ZMPSTE24: variants seen among roughly 807,000 people sequenced by gnomAD.
The protein encoded by ZMPSTE24 is zinc metallopeptidase STE24.
A neutral mutation model predicts 56.7 loss-of-function variants in ZMPSTE24; 48 were observed. The observed-to-expected ratio is 0.85, with a 90% confidence interval of 0.67 to 1.08. ZMPSTE24 has a LOEUF of 1.08. ZMPSTE24 is among the 50% of genes least tolerant of loss of function. The probability of loss-of-function intolerance (pLI) is 0.00; values close to 1 mark genes in which losing one functional copy is unlikely to be tolerated. For missense variants in ZMPSTE24, 503 were observed against 548.7 expected, an observed-to-expected ratio of 0.92 and a Z score of 0.83; for synonymous variants, 172 against 195.2, an observed-to-expected ratio of 0.88 and a Z score of 0.99.
chr1:40,262,690 A>T, intron 2 of ZMPSTE24: 2 of 310,150 alleles, frequency 6.4e-6, no homozygotes, highest in Non-Finnish European at 1.0e-5. Context: ...CCCAAAAGCT[A>T]GTTGCTTCCA....
chr1:40,278,679 G>A (rs866270610), intron 6 of ZMPSTE24, among the ~76,000 whole-genome samples: 2 of 149,040 alleles, frequency 1.3e-5, no homozygotes, highest in Admixed American at 6.7e-5. Context: ...AATTAAGAAA[G>A]TTTTCTAAAT....
At chr1:40,277,874 C>A (rs1643686100) in intron 6 of ZMPSTE24, among the ~76,000 whole-genome samples, 1 of 142,956 alleles carries the variant, frequency 7.0e-6, no homozygotes, top group Non-Finnish European at 1.5e-5. Flanking sequence ...GAGGTTGAGG[C>A]AGGAGAATCG....
intron 9 of ZMPSTE24, 51 bp downstream of exon 9, chr1:40,291,048 A>G: frequency 6.2e-7 from 1 of 1,601,300 alleles, no homozygotes; most frequent in Non-Finnish European, 8.5e-7. Flanking sequence ...CCTGCTTCAA[A>G]TCTAGAGCTT....
At chr1:40,292,133 C>A (rs1643849982) in intron 9 of ZMPSTE24, among the ~76,000 whole-genome samples, 1 of 152,156 alleles carries the variant, frequency 6.6e-6, no homozygotes, top group Non-Finnish European at 1.5e-5. Context: ...TGAGGCACCA[C>A]ACCCGGCCTG....
At chr1:40,259,498 T>TG in intron 1 of ZMPSTE24, 1 of 152,286 alleles carries the variant, frequency 6.6e-6, no homozygotes, top group African/African-American at 2.4e-5. Flanking sequence ...CAAATGATTC[T>TG]CCTGCCTCAG....
Position 40,258,439 on chromosome 1 carries a change from C to T in ZMPSTE24, c.123+45C>T, listed in dbSNP as rs759446629. 3.7e-6 allele frequency: 6 copies of T among 1,612,904 alleles called. 1 individual carries two copies. Among genetic ancestry groups the T allele is most frequent in the East Asian group, 4.5e-5 (2 of 44,874 alleles). ...AACCTGACCCCCATACCCGGCCAGC[C>T]CTGGAGTAGCCTTGGCTTCGACCCT... On this transcript the variant is annotated intron_variant, in intron 1 of 9. Transcript: ENST00000372759.
At chr1:40,268,638 G>A (rs1643581006) in intron 4 of ZMPSTE24, 103 bp downstream of exon 4, 4 of 820,780 alleles carry the variant, frequency 4.9e-6, no homozygotes, top group Admixed American at 2.7e-5. Flanking sequence ...TTCAGAGTAT[G>A]AATTGAGAAA....
intron 7 of ZMPSTE24, among the ~76,000 whole-genome samples, chr1:40,283,939 CTTT>C (rs754673107): frequency 7.5e-6 from 1 of 133,116 alleles, no homozygotes. Flanking sequence ...AACTTTCTTT[CTTT>C]TTTTTTTTTT....
rs552736122 is a variant in ZMPSTE24 at position 40,261,968 on chromosome 1, C to T, written c.270+983C>T. ...TCGTGATCTGCCTGCCTTGGCCTCC[C>T]AAAGTACTGGGATTACAGTCATGAG... is the stretch of plus-strand genomic sequence containing the variant. On this transcript the variant is annotated intron_variant, in intron 2 of 9. Transcript: ENST00000372759. Among the ~76,000 whole-genome samples the T allele has an allele frequency of 1.1e-3, 162 of 152,282 alleles. 1 individual carries two copies. The highest frequency in any genetic ancestry group is 1.9e-3 in the Non-Finnish European group (126 of 68,014).
At chr1:40,265,780 T>G (rs1643542952) in intron 2 of ZMPSTE24, among the ~76,000 whole-genome samples, 1 of 152,244 alleles carries the variant, frequency 6.6e-6, no homozygotes, top group African/African-American at 2.4e-5. Flanking sequence ...TGGGCCCCAC[T>G]TCCAGCTTCT....
Position 40,275,919 on chromosome 1 carries a change from C to T in ZMPSTE24, c.769+3884C>T, listed in dbSNP as rs141871451. On this transcript the variant is annotated intron_variant, in intron 6 of 9. Coordinates refer to ENST00000372759, the MANE Select transcript of ZMPSTE24 (RefSeq NM_005857.5). ...CACTGCTGTGGCTACTTCAGAACAC[C>T]GGATTCAGCCACTAGCACCTGCAGA... Among the ~76,000 whole-genome samples, 183 of 152,264 alleles carry T rather than the reference C, an allele frequency of 1.2e-3. 2 individuals carry two copies. The highest frequency in any genetic ancestry group is 4.2e-3 in the African/African-American group (176 of 41,540).
At chr1:40,260,185 C>A (rs1643482014) in intron 1 of ZMPSTE24, among the ~76,000 whole-genome samples, 1 of 151,104 alleles carries the variant, frequency 6.6e-6, no homozygotes, top group Non-Finnish European at 1.5e-5. Context: ...CTCAGCCCCC[C>A]AAATAGCTGG....
chr1:40,292,692 A>G lies in ZMPSTE24; in HGVS notation c.*23A>G, dbSNP rs1320115920. 1 of 1,600,838 alleles carries G rather than the reference A, an allele frequency of 6.2e-7. No individual in the cohort carries two copies. The highest frequency in any genetic ancestry group is 2.2e-5 in the East Asian group (1 of 44,808). ...TGAGATGTCCAGGATCTGTGACTGA[A>G]GACATTTCTGATTATTTCTGTCCTG... On this transcript the variant is annotated 3_prime_UTR_variant, in exon 10 of 10. Coordinates refer to ENST00000372759, the MANE Select transcript of ZMPSTE24 (RefSeq NM_005857.5).
intron 7 of ZMPSTE24, among the ~76,000 whole-genome samples, chr1:40,283,734 A>G (rs953758893): frequency 5.3e-5 from 8 of 152,078 alleles, no homozygotes; most frequent in Admixed American, 3.3e-4. Flanking sequence ...TGGTTGTAAG[A>G]AATTTTCTGA....
At chr1:40,278,321 C>G (rs1298000479) in intron 6 of ZMPSTE24, among the ~76,000 whole-genome samples, 1 of 151,962 alleles carries the variant, frequency 6.6e-6, no homozygotes, top group African/African-American at 2.4e-5. Context: ...TATTGCTTCA[C>G]TTAGAATATC....
Position 40,260,989 on chromosome 1 carries a change from A to C in ZMPSTE24, c.270+4A>C. On this transcript the variant is annotated splice_donor_region_variant and intron_variant, in intron 2 of 9. Coordinates refer to ENST00000372759, the MANE Select transcript of ZMPSTE24 (RefSeq NM_005857.5). ...CTATTCAGAGACTGAAGGCACTGTG[A>C]GTAATTTACTTCTTGGAGAGACAGT... 6.2e-7 allele frequency: 1 copy of C among 1,614,108 alleles called. No homozygotes were observed. The highest frequency in any genetic ancestry group is 2.2e-5 in the East Asian group (1 of 44,850).
chr1:40,270,684 AC>A (rs1438496281), intron 5 of ZMPSTE24, among the ~76,000 whole-genome samples: 1 of 150,586 alleles, frequency 6.6e-6, no homozygotes, highest in Non-Finnish European at 1.5e-5. Flanking sequence ...CCCAACTGCC[AC>A]CTATTCCTGC....
chr1:40,270,168 CT>C lies in ZMPSTE24; in HGVS notation c.627+43del, dbSNP rs757478588. On this transcript the variant is annotated intron_variant, in intron 5 of 9. Transcript: ENST00000372759. The stretch of plus-strand genomic sequence containing the variant: ...ATTTCGTTTTCTTTTGCAAAAGTTC[CT>C]TGGTGAGATTACTGTAATCTTCATT... The C allele has an allele frequency of 1.5e-5, 24 of 1,605,816 alleles. No homozygotes were observed. The East Asian group carries it at 4.7e-4, about 31-fold the overall frequency.
intron 3 of ZMPSTE24, 119 bp downstream of exon 3, chr1:40,267,991 C>A (rs534686639): frequency 3.6e-6 from 3 of 827,882 alleles, no homozygotes; most frequent in East Asian, 4.9e-5. Flanking sequence ...TTTGCATAGT[C>A]CTTGGTTACC....
Sources: gnomAD v4.1 joint callset for allele counts (sites outside exome capture counted in the v4.1 genomes callset) on GRCh38, gnomAD v4.1.1 for gene constraint, MANE v1.5 for transcripts, NCBI Gene and HGNC (gene_info 2026-07-23, HGNC 2026-07-21) for gene names.